PCYT2: variants seen among roughly 807,000 people sequenced by gnomAD.
PCYT2 encodes ethanolamine-phosphate cytidylyltransferase.
In PCYT2, 33 loss-of-function variants were observed where a neutral mutation model predicts 50.0. That is an observed-to-expected ratio of 0.66 (90% CI 0.50 to 0.88). The LOEUF is 0.88. PCYT2 is among the 40% of genes least tolerant of loss of function. The probability of loss-of-function intolerance (pLI) is 0.00; values close to 1 mark genes in which losing one functional copy is unlikely to be tolerated. For synonymous variants in PCYT2, 240 were observed against 203.7 expected, an observed-to-expected ratio of 1.18 and a Z score of -1.52; for missense variants, 430 against 519.7, an observed-to-expected ratio of 0.83 and a Z score of 1.68.
In PCYT2 at chr17:81,911,390, T is replaced by A; in HGVS notation, c.-35A>T. ...GCGGCGGCGCGGACAGCCTGGCAGC[T>A]CCCGGCGACTCCGAGCGCCGCCGCC... is the stretch of plus-strand genomic sequence containing the variant. On this transcript the variant is annotated 5_prime_UTR_variant, in exon 1 of 13. Transcript: ENST00000538936. 1 of 990,574 alleles carries A rather than the reference T, an allele frequency of 1.0e-6. No individual in the cohort carries two copies. The highest frequency in any genetic ancestry group is 1.2e-6 in the Non-Finnish European group (1 of 833,466). The allele number at this position is 990,574 out of a possible 1,614,324, so 61.4% of individuals were successfully genotyped here. A position where few individuals can be genotyped will look rare whatever the true frequency, so the allele number is the denominator to read the frequency against.
At position 81,906,901 on chromosome 17, in the gene PCYT2, G is replaced by T; in HGVS notation, c.538-3C>A. 6.2e-7 allele frequency: 1 copy of T among 1,612,296 alleles called. No individual in the cohort carries two copies. The highest frequency in any genetic ancestry group is 2.2e-5 in the East Asian group (1 of 44,886). The stretch of plus-strand genomic sequence containing the variant: ...CAGGGGTTCCGCCCACCAGGGCACT[G>T]CAAGCCAAGAGAGGGAGCAGGTTGG... On this transcript the variant is annotated splice_polypyrimidine_tract_variant and splice_region_variant and intron_variant, in intron 6 of 12. Coordinates refer to ENST00000538936, the MANE Select transcript of PCYT2 (RefSeq NM_002861.5).
At chr17:81,911,124 C>A in intron 1 of PCYT2, 143 bp downstream of exon 1, 1 of 1,002,400 alleles carries the variant, frequency 1.0e-6, no homozygotes, top group Non-Finnish European at 1.2e-6. Context: ...GGCAGGCGAG[C>A]CCCGCAGCCT....
Position 81,902,337 on chromosome 17 carries a change from G to A in PCYT2, c.*2496C>T. On this transcript the variant is annotated 3_prime_UTR_variant, in exon 13 of 13. Transcript: ENST00000538936. The stretch of plus-strand genomic sequence containing the variant: ...TGGCGCTGTGCCTGCTGCTGGCGCC[G>A]CCTGGCCTCGCGTGGTACAAGCCAG... 2.2e-6 allele frequency: 3 copies of A among 1,339,840 alleles called. No individual in the cohort carries two copies. 83.0% of individuals were successfully genotyped at this position (1,339,840 alleles called of 1,614,324 possible).
chr17:81,906,907 C>T lies in PCYT2; in HGVS notation c.538-9G>A, dbSNP rs2040303487. On this transcript the variant is annotated splice_polypyrimidine_tract_variant and intron_variant, in intron 6 of 12. Transcript: ENST00000538936. ...TTCCGCCCACCAGGGCACTGCAAGC[C>T]AAGAGAGGGAGCAGGTTGGCGGGGG... 1 of 1,611,750 alleles carries T rather than the reference C, an allele frequency of 6.2e-7. No homozygotes were observed. The highest frequency in any genetic ancestry group is 2.2e-5 in the East Asian group (1 of 44,874).
chr17:81,907,463 G>T, intron 6 of PCYT2, 91 bp downstream of exon 6: 1 of 1,392,830 alleles, frequency 7.2e-7, no homozygotes, highest in South Asian at 1.2e-5. Flanking sequence ...GAGGCTCTGG[G>T]CTGGCCTTTC....
At chr17:81,905,016 A>G (rs1228940208) in intron 12 of PCYT2, 50 bp downstream of exon 12, 1 of 1,589,280 alleles carries the variant, frequency 6.3e-7, no homozygotes, top group Admixed American at 1.7e-5. Context: ...CGGTAAGTCT[A>G]GCGGAGAGCG....
Position 81,907,223 on chromosome 17 carries a change from G to A in PCYT2, c.538-325C>T. ...GGTCACCTGGGAGCAGCCTTCTGAG[G>A]AAAGTATGTCCCCGGCGGGTATCGG... On this transcript the variant is annotated intron_variant, in intron 6 of 12. Transcript: ENST00000538936. 3 of 1,534,494 alleles carry A rather than the reference G, an allele frequency of 2.0e-6. No individual in the cohort carries two copies. Among genetic ancestry groups the A allele is most frequent in the Non-Finnish European group, 2.6e-6 (3 of 1,146,070 alleles).
intron 3 of PCYT2, 35 bp from the exon 4 acceptor site, chr17:81,908,669 C>T (rs1338410910): frequency 1.3e-6 from 2 of 1,566,340 alleles, no homozygotes; most frequent in East Asian, 2.2e-5. Context: ...GGATCCTTAA[C>T]CCAAAGCCAC....
rs2039985366 is a variant in PCYT2, at chr17:81,902,366, C to T, written c.*2467G>A. On this transcript the variant is annotated 3_prime_UTR_variant, in exon 13 of 13. Coordinates refer to ENST00000538936, the MANE Select transcript of PCYT2 (RefSeq NM_002861.5). The stretch of plus-strand genomic sequence containing the variant: ...GGCCTCGCGTGGTACAAGCCAGCGG[C>T]GGGGCACAGCTCCTACTCGGTGGGC... 7.5e-7 allele frequency: 1 copy of T among 1,340,620 alleles called. No individual in the cohort carries two copies. The highest frequency in any genetic ancestry group is 9.5e-7 in the Non-Finnish European group (1 of 1,053,972). 83.0% of individuals were successfully genotyped at this position (1,340,620 alleles called of 1,614,324 possible).
rs776121640 is a variant in PCYT2, at chr17:81,905,407, T to C, written c.944A>G (p.Asp315Gly). 88 of 1,563,690 alleles carry C rather than the reference T, an allele frequency of 5.6e-5. No homozygotes were observed. In the Admixed American group the frequency reaches 8.3e-4, roughly 15 times the overall value. The change falls in exon 11 of 13, where the codon GAC (aspartate) becomes GGC (glycine). Residue 315 changes from aspartate to glycine, a missense_variant. By Grantham distance (94) the Asp-to-Gly change is moderately conservative. Transcript: ENST00000538936. The part of the protein sequence containing the change: ...VCHGKTEIIP[D>G]RDGSDPYQEP... ...CTGGTATGGGTCGGAGCCATCCCTGTCAGGGATAATTTCTGTCTTGCCGTG... is the reference window on the plus strand; with the variant it reads ...CTGGTATGGGTCGGAGCCATCCCTGCCAGGGATAATTTCTGTCTTGCCGTG...
Position 81,902,730 on chromosome 17 carries a change from C to A in PCYT2, c.*2103G>T. 1 of 1,607,576 alleles carries A rather than the reference C, an allele frequency of 6.2e-7. No homozygotes were observed. The highest frequency in any genetic ancestry group is 8.5e-7 in the Non-Finnish European group (1 of 1,178,194). On this transcript the variant is annotated 3_prime_UTR_variant, in exon 13 of 13. Coordinates refer to ENST00000538936, the MANE Select transcript of PCYT2 (RefSeq NM_002861.5). ...ACGTCTTCCTGTCCCTGCGCGCAGC[C>A]GACTGCCTCGCCGCCTGAGCCCGGA...
At chr17:81,907,722 T>C in intron 5 of PCYT2, 51 bp downstream of exon 5, 1 of 1,596,850 alleles carries the variant, frequency 6.3e-7, no homozygotes, top group East Asian at 2.2e-5. Flanking sequence ...GCCCCTCCTT[T>C]CCCCTGGAGA....
chr17:81,909,552 G>A lies in PCYT2; in HGVS notation c.140C>T (p.Ala47Val). Residue 47 changes from alanine (A) to valine (V), a missense_variant, in exon 2 of 13, where the codon GCC becomes GTC. Physicochemically the swap from Ala to Val is moderately conservative, Grantham distance 64. Transcript: ENST00000538936. Reference sequence around the variant, plus strand: ...GCCTACGATGAGGTAGTCACCCATGGCCCGTGCCTGGCGCAGCTGGTTGGA... The same window carrying A: ...GCCTACGATGAGGTAGTCACCCATGACCCGTGCCTGGCGCAGCTGGTTGGA... ...GHSNQLRQAR[A>V]MGDYLIVGVH... The A allele has an allele frequency of 6.2e-7, 1 of 1,613,774 alleles. No individual in the cohort carries two copies. The highest frequency in any genetic ancestry group is 8.5e-7 in the Non-Finnish European group (1 of 1,179,848).
chr17:81,902,437 C>CGG lies in PCYT2; in HGVS notation c.*2394_*2395dup. 1 of 1,353,374 alleles carries CGG rather than the reference C, an allele frequency of 7.4e-7. No homozygotes were observed. The highest frequency in any genetic ancestry group is 9.4e-7 in the Non-Finnish European group (1 of 1,060,452). The allele number at this position is 1,353,374 out of a possible 1,614,324, so 83.8% of individuals were successfully genotyped here. A position where few individuals can be genotyped will look rare whatever the true frequency, so the allele number is the denominator to read the frequency against. On this transcript the variant is annotated 3_prime_UTR_variant, in exon 13 of 13. Transcript: ENST00000538936. ...CGGCCTCCGCAGGTCCCCGTACGCG[C>CGG]GGCGCTCCCAGCCCTACAGAGGGGC... is the stretch of plus-strand genomic sequence containing the variant.
At chr17:81,910,561 G>A (rs1322147456) in intron 1 of PCYT2, among the ~76,000 whole-genome samples, 1 of 152,196 alleles carries the variant, frequency 6.6e-6, no homozygotes, top group African/African-American at 2.4e-5. Context: ...GCCTGGTCAG[G>A]GCAAGGTCAA....
chr17:81,902,811 A>C lies in PCYT2; in HGVS notation c.*2022T>G. The stretch of plus-strand genomic sequence containing the variant: ...CCCCACCGTCCCACTCGGTGACCCC[A>C]GGCCCCTCCGGCGCGGGATGGCGCC... On this transcript the variant is annotated 3_prime_UTR_variant, in exon 13 of 13. Coordinates refer to ENST00000538936, the MANE Select transcript of PCYT2 (RefSeq NM_002861.5). The C allele has an allele frequency of 6.8e-7, 1 of 1,471,880 alleles. No homozygotes were observed. Among genetic ancestry groups the C allele is most frequent in the South Asian group, 1.3e-5 (1 of 77,032 alleles). The allele number at this position is 1,471,880 out of a possible 1,614,324, so 91.2% of individuals were successfully genotyped here. A position where few individuals can be genotyped will look rare whatever the true frequency, so the allele number is the denominator to read the frequency against.
intron 3 of PCYT2, 103 bp downstream of exon 3, chr17:81,908,773 C>A: frequency 7.3e-7 from 1 of 1,362,466 alleles, no homozygotes. Flanking sequence ...TGTCTCAGAT[C>A]CTCAAAGGGC....
chr17:81,910,983 G>C (rs2040566831), intron 1 of PCYT2: 3 of 992,200 alleles, frequency 3.0e-6, no homozygotes, highest in Non-Finnish European at 3.6e-6. Flanking sequence ...CGGAGAAGCA[G>C]GGAGGCCGTG....
chr17:81,902,944 G>A lies in PCYT2; in HGVS notation c.*1889C>T. On this transcript the variant is annotated 3_prime_UTR_variant, in exon 13 of 13. Coordinates refer to ENST00000538936, the MANE Select transcript of PCYT2 (RefSeq NM_002861.5). Reference sequence around the variant, plus strand: ...GAGGACTGGCAGCCAGGCCACGAGGGGAACGGGACCTGGAAATCCCCAAGC... The same window carrying A: ...GAGGACTGGCAGCCAGGCCACGAGGAGAACGGGACCTGGAAATCCCCAAGC... The A allele has an allele frequency of 1.9e-6, 1 of 539,132 alleles. No homozygotes were observed. Among genetic ancestry groups the A allele is most frequent in the Non-Finnish European group, 3.2e-6 (1 of 313,872 alleles). 33.4% of individuals were successfully genotyped at this position (539,132 alleles called of 1,614,324 possible).
Sources: allele counts gnomAD v4.1 joint callset (sites outside exome capture counted in the v4.1 genomes callset), GRCh38; gene constraint gnomAD v4.1.1; transcripts MANE v1.5; gene names NCBI Gene and HGNC (gene_info 2026-07-23, HGNC 2026-07-21).